Variants in ZMYND8 observed in about 807,000 individuals in gnomAD.
The protein encoded by ZMYND8 is zinc finger MYND-type containing 8.
Under a neutral mutation model 140.8 loss-of-function variants are expected in ZMYND8, and 37 were observed. That is an observed-to-expected ratio of 0.26 (90% CI 0.20 to 0.35). The LOEUF (loss-of-function observed/expected upper bound fraction) is 0.35, where lower values mean the gene tolerates loss of function less well. Among genes scored for constraint, ZMYND8 ranks in the 10% least tolerant of loss-of-function variants. The probability of loss-of-function intolerance (pLI) is 1.00; values close to 1 mark genes in which losing one functional copy is unlikely to be tolerated. For synonymous variants in ZMYND8, 592 were observed against 597.1 expected (o/e 0.99, Z 0.12); for missense variants, 1,068 against 1,570.0 (o/e 0.68, Z 5.40).
intron 12 of ZMYND8, among the ~76,000 whole-genome samples, chr20:47,260,649 A>T (rs2075087854): frequency 6.6e-6 from 1 of 152,202 alleles, no homozygotes; most frequent in South Asian, 2.1e-4. Flanking sequence ...GTGAACTGTG[A>T]CATCTGCTTC....
intron 8 of ZMYND8, among the ~76,000 whole-genome samples, chr20:47,284,723 T>C (rs965174090): frequency 6.6e-6 from 1 of 152,144 alleles, no homozygotes; most frequent in African/African-American, 2.4e-5. Flanking sequence ...AATTAACTTA[T>C]TTATTGTCCT....
At chr20:47,323,742 C>A (rs2080161817) in intron 2 of ZMYND8, among the ~76,000 whole-genome samples, 1 of 152,130 alleles carries the variant, frequency 6.6e-6, no homozygotes, top group South Asian at 2.1e-4. Flanking sequence ...CCCACCTCCA[C>A]TGACCTTCCC....
rs1240212437 is a variant in ZMYND8, at chr20:47,221,245, CAG to C, written c.3417+67_3417+68del. 1.0e-5 allele frequency: 16 copies of C among 1,578,562 alleles called. No individual in the cohort carries two copies. The East Asian group carries it at 1.3e-4, about 13-fold the overall frequency. On this transcript the variant is annotated intron_variant, in intron 20 of 22. Transcript: ENST00000471951. Reference sequence around the variant, plus strand: ...AACACGGAACTTTCAGGGCGGCAGACAGGGGGTCCTAAGTCCACTTGGCACAA... The same window carrying C: ...AACACGGAACTTTCAGGGCGGCAGACGGGGTCCTAAGTCCACTTGGCACAA...
chr20:47,353,131 A>G (rs1366479364), intron 1 of ZMYND8: 1 of 152,118 alleles, frequency 6.6e-6, no homozygotes, highest in Admixed American at 6.5e-5. Context: ...AAGTGGCTGG[A>G]CTTTTAAAAA....
At chr20:47,344,160 T>C (rs2082148290) in intron 2 of ZMYND8, among the ~76,000 whole-genome samples, 2 of 151,834 alleles carry the variant, frequency 1.3e-5, no homozygotes, top group South Asian at 4.2e-4. Context: ...GTATTTTTAA[T>C]AGAGGCAGGG....
chr20:47,356,514 TTC>T, intron 1 of ZMYND8, 141 bp downstream of exon 1: 1 of 1,605,758 alleles, frequency 6.2e-7, no homozygotes, highest in Non-Finnish European at 8.5e-7. Context: ...AGCAAAAAAA[TTC>T]TCTCTAAACA....
chr20:47,352,067 T>C (rs2082828582), intron 1 of ZMYND8: 9 of 934,792 alleles, frequency 9.6e-6, no homozygotes, highest in Non-Finnish European at 1.0e-5. Context: ...ATTAGGTGGG[T>C]AGAAGGTTAG....
chr20:47,226,820 C>T (rs1034362130), intron 18 of ZMYND8, among the ~76,000 whole-genome samples: 25 of 152,164 alleles, frequency 1.6e-4, no homozygotes, highest in African/African-American at 6.0e-4. Flanking sequence ...CCACCAGGCC[C>T]AGGTAATGGT....
intron 14 of ZMYND8, among the ~76,000 whole-genome samples, chr20:47,244,855 G>A (rs2040368081): frequency 6.6e-6 from 1 of 152,184 alleles, no homozygotes. Flanking sequence ...TCAGGAGTTT[G>A]AGACCAGCCT....
chr20:47,246,154 T>C lies in ZMYND8; in HGVS notation c.2138A>G (p.Lys713Arg), dbSNP rs751631758. Residue 713 changes from lysine to arginine, a missense_variant, in exon 14 of 23, where the codon AAA becomes AGA. Physicochemically the swap from Lys to Arg is conservative, Grantham distance 26 (BLOSUM62 2). Coordinates refer to ENST00000471951, the MANE Select transcript of ZMYND8 (RefSeq NM_001281775.3). ...GACTGTTGGGGAATCCGTCTCATCT[T>C]TTCCCTTCAGTTTATCCTTTATGGG... ...PHPIKDKLKG[K>R]DETDSPTVHL... 6.2e-7 allele frequency: 1 copy of C among 1,614,202 alleles called. No individual in the cohort carries two copies. Among genetic ancestry groups the C allele is most frequent in the Non-Finnish European group, 8.5e-7 (1 of 1,180,034 alleles).
At chr20:47,255,322 G>A (rs1601316958) in intron 12 of ZMYND8, among the ~76,000 whole-genome samples, 1 of 151,734 alleles carries the variant, frequency 6.6e-6, no homozygotes, top group Non-Finnish European at 1.5e-5. Context: ...GAAATGTCCT[G>A]TGCTTTGAAA....
At chr20:47,318,588 G>A (rs1327668464) in intron 2 of ZMYND8, 3 of 385,020 alleles carry the variant, frequency 7.8e-6, no homozygotes, top group African/African-American at 6.3e-5. Context: ...AAGCCAGGAG[G>A]AACTTGTAAA....
Position 47,313,632 on chromosome 20 carries a change from T to A in ZMYND8, c.86-3428A>T, listed in dbSNP as rs142222673. On this transcript the variant is annotated intron_variant, in intron 2 of 22. Coordinates refer to ENST00000471951, the MANE Select transcript of ZMYND8 (RefSeq NM_001281775.3). Reference sequence around the variant, plus strand: ...GGGGTGAGACTCCATCTCAAAAAAATAATAATAATAATAATTAGGCTGGGG... The same window carrying A: ...GGGGTGAGACTCCATCTCAAAAAAAAAATAATAATAATAATTAGGCTGGGG... Among the ~76,000 whole-genome samples the A allele has an allele frequency of 1.8e-3, 266 of 147,110 alleles. 2 individuals carry two copies. The highest frequency in any genetic ancestry group is 6.3e-3 in the African/African-American group (249 of 39,754).
intron 1 of ZMYND8, 167 bp from the exon 2 acceptor site, chr20:47,348,093 C>A: frequency 1.5e-6 from 1 of 677,128 alleles, no homozygotes. Flanking sequence ...TGTGAAGAGT[C>A]CTAAAGGAGT....
rs184457298 is a variant in ZMYND8 at position 47,326,200 on chromosome 20, C to T, written c.86-15996G>A. ...GTCTTGAACTCCTGACCTCGTGATC[C>T]GCCTGCCTCGGCCTCCCAAAGTGAT... On this transcript the variant is annotated intron_variant, in intron 2 of 22. Transcript: ENST00000471951. 3.7e-3 allele frequency among the ~76,000 whole-genome samples: 563 copies of T among 152,292 alleles called. 4 individuals carry two copies. The highest frequency in any genetic ancestry group is 0.013 in the African/African-American group (524 of 41,562).
chr20:47,226,427 G>A (rs766520787), intron 18 of ZMYND8, among the ~76,000 whole-genome samples: 4 of 152,138 alleles, frequency 2.6e-5, no homozygotes, highest in Non-Finnish European at 5.9e-5. Flanking sequence ...TATACAGAAC[G>A]ACAGGCCAAA....
intron 14 of ZMYND8, among the ~76,000 whole-genome samples, chr20:47,244,479 CT>C (rs1201786609): frequency 2.0e-5 from 3 of 152,186 alleles, no homozygotes; most frequent in African/African-American, 7.2e-5. Context: ...TCCCACACCC[CT>C]TTTGTTGGGC....
chr20:47,253,766 G>A lies in ZMYND8; in HGVS notation c.1622-4327C>T, dbSNP rs547209201. ...AACTGAGCTCTGTGTGTGCACCTGCGTGTCTACACGTATGGCTACAGTAAA... is the reference window on the plus strand; with the variant it reads ...AACTGAGCTCTGTGTGTGCACCTGCATGTCTACACGTATGGCTACAGTAAA... On this transcript the variant is annotated intron_variant, in intron 12 of 22. Coordinates refer to ENST00000471951, the MANE Select transcript of ZMYND8 (RefSeq NM_001281775.3). 8.5e-4 allele frequency among the ~76,000 whole-genome samples: 130 copies of A among 152,234 alleles called. 1 individual carries two copies. The highest frequency in any genetic ancestry group is 2.5e-3 in the African/African-American group (102 of 41,532).
intron 12 of ZMYND8, among the ~76,000 whole-genome samples, chr20:47,258,503 C>T (rs2074922696): frequency 6.6e-6 from 1 of 152,210 alleles, no homozygotes; most frequent in Admixed American, 6.5e-5. Flanking sequence ...ACAACCAAAA[C>T]ACAGAGCAGG....
Sources: gnomAD v4.1 joint callset for allele counts (sites outside exome capture counted in the v4.1 genomes callset) on GRCh38, gnomAD v4.1.1 for gene constraint, MANE v1.5 for transcripts, NCBI Gene and HGNC (gene_info 2026-07-23, HGNC 2026-07-21) for gene names.